F7: variants seen among roughly 807,000 people sequenced by gnomAD.
The protein encoded by F7 is FVII coagulation protein.
F7 carries 38 observed loss-of-function variants against 47.5 expected under a neutral mutation model. That is an observed-to-expected ratio of 0.80 (90% CI 0.62 to 1.05). The LOEUF (loss-of-function observed/expected upper bound fraction) is 1.05. F7 is among the 50% of genes least tolerant of loss of function. The pLI is 0.00. For missense variants in F7, 575 were observed against 605.4 expected, an observed-to-expected ratio of 0.95 and a Z score of 0.53; for synonymous variants, 244 against 258.5, an observed-to-expected ratio of 0.94 and a Z score of 0.54.
At chr13:113,111,630 CACT>C (rs374589893) in intron 2 of F7, among the ~76,000 whole-genome samples, 187 of 120,314 alleles carry the variant, frequency 1.6e-3, no homozygotes, top group African/African-American at 6.3e-3. Flanking sequence ...GCACACTTCA[CACT>C]CACGGGTCAC....
chr13:113,113,724 C>G lies in F7; in HGVS notation c.226-28C>G, dbSNP rs1378787445. ...TGGGTGCTCTGGTGAAGGTGCATCT[C>G]ACGAGGCTTGCTCTCTTGTTCCTTC... On this transcript the variant is annotated intron_variant, in intron 2 of 7. Transcript: ENST00000346342. The surrounding 1 kb of genome is among the most constrained non-coding windows in gnomAD (Gnocchi z 4.1). 6.2e-7 allele frequency: 1 copy of G among 1,611,066 alleles called. No individual in the cohort carries two copies. Among genetic ancestry groups the G allele is most frequent in the East Asian group, 2.2e-5 (1 of 44,866 alleles).
intron 1 of F7, chr13:113,110,449 A>C: frequency 2.1e-6 from 1 of 473,186 alleles, no homozygotes; most frequent in South Asian, 3.0e-5. Context: ...CGTGCCCCCG[A>C]GCGCGCCCTC....
In F7 at chr13:113,119,229, T is replaced by C; in HGVS notation, c.*221T>C. On this transcript the variant is annotated 3_prime_UTR_variant, in exon 8 of 8. Transcript: ENST00000346342. ...AGAGAGACTCAAAGAGACTCCAAGA[T>C]TCAAAGAGACTAATAGAGACACAGA... The C allele has an allele frequency of 1.7e-6, 1 of 591,074 alleles. No homozygotes were observed. The highest frequency in any genetic ancestry group is 3.0e-6 in the Non-Finnish European group (1 of 333,018). The allele number at this position is 591,074 out of a possible 1,614,324, so 36.6% of individuals were successfully genotyped here.
At position 113,115,769 on chromosome 13, in the gene F7, G is replaced by C; in HGVS notation, c.474G>C (p.Leu158=). 1 of 1,613,302 alleles carries C rather than the reference G, an allele frequency of 6.2e-7. No homozygotes were observed. The highest frequency in any genetic ancestry group is 8.5e-7 in the Non-Finnish European group (1 of 1,180,046). The change falls in exon 5 of 8, where the codon CTG becomes CTC. Residue 158 remains leucine, a synonymous_variant. Transcript: ENST00000346342. The part of the protein sequence containing the change: ...RSCRCHEGYS[L]LADGVSCTPT... ...GTCGGTGCCACGAGGGGTACTCTCTGCTGGCAGACGGGGTGTCCTGCACAC... is the reference window on the plus strand; with the variant it reads ...GTCGGTGCCACGAGGGGTACTCTCTCCTGGCAGACGGGGTGTCCTGCACAC...
At chr13:113,106,250 G>C (rs2035950528) in intron 1 of F7, among the ~76,000 whole-genome samples, 1 of 133,628 alleles carries the variant, frequency 7.5e-6, no homozygotes, top group Admixed American at 7.6e-5. Flanking sequence ...GGTGCTCCCA[G>C]GCTGGGGAGC....
At chr13:113,111,276 C>T (rs1021381907) in intron 2 of F7, among the ~76,000 whole-genome samples, 2 of 152,130 alleles carry the variant, frequency 1.3e-5, no homozygotes, top group Non-Finnish European at 2.9e-5. Context: ...GGGCACGTGT[C>T]GGGGAGAAAC....
chr13:113,117,373 T>C, intron 6 of F7, 100 bp from the exon 7 acceptor site: 1 of 1,565,702 alleles, frequency 6.4e-7, no homozygotes, highest in Non-Finnish European at 8.7e-7. Context: ...CAGAAAGAAA[T>C]TGTGCAATGC....
In F7 at chr13:113,113,773, A is replaced by C. The variant is rs1437979154; in HGVS notation, c.247A>C (p.Ser83Arg). ...ERTKLFWISY[S>R]DGDQCASSPC... ...TCAGAAGCTGTTCTGGATTTCTTAC[A>C]GTGGTGAGTGGATGATCACCACCAG... Residue 83 changes from serine (S) to arginine (R), a missense_variant, in exon 3 of 8, where the codon AGT becomes CGT. Physicochemically the swap from Ser to Arg is moderately radical, Grantham distance 110 (BLOSUM62 -1). Coordinates refer to ENST00000346342, the MANE Select transcript of F7 (RefSeq NM_019616.4). The surrounding 1 kb of genome is among the most constrained non-coding windows in gnomAD (Gnocchi z 4.1). 1 of 1,614,118 alleles carries C rather than the reference A, an allele frequency of 6.2e-7. No individual in the cohort carries two copies. The highest frequency in any genetic ancestry group is 8.5e-7 in the Non-Finnish European group (1 of 1,180,012).
chr13:113,106,865 G>A lies in F7; in HGVS notation c.64+960G>A, dbSNP rs371824980. ...CCCAGGCGGGGTCGCTAAGGCCTCAGGAGGAGAAACACGGGACATGCCGTG... is the reference window on the plus strand; with the variant it reads ...CCCAGGCGGGGTCGCTAAGGCCTCAAGAGGAGAAACACGGGACATGCCGTG... On this transcript the variant is annotated intron_variant, in intron 1 of 7. Coordinates refer to ENST00000346342, the MANE Select transcript of F7 (RefSeq NM_019616.4). The A allele has an allele frequency of 7.0e-5, 113 of 1,605,900 alleles. No individual in the cohort carries two copies. Among genetic ancestry groups the A allele is most frequent in the Non-Finnish European group, 9.5e-5 (112 of 1,176,490 alleles).
chr13:113,119,116 G>T lies in F7; in HGVS notation c.*108G>T, dbSNP rs1470411471. 13 of 922,120 alleles carry T rather than the reference G, an allele frequency of 1.4e-5. 1 individual carries two copies. Among genetic ancestry groups the T allele is most frequent in the Admixed American group, 2.1e-5 (1 of 48,526 alleles). 57.1% of individuals were successfully genotyped at this position (922,120 alleles called of 1,614,324 possible). A position where few individuals can be genotyped will look rare whatever the true frequency, so the allele number is the denominator to read the frequency against. ...TAATGGGGTAGAGGAGGGCATGGGA[G>T]GGAGGGAGAGGTGGGGAGGGAGACA... On this transcript the variant is annotated 3_prime_UTR_variant, in exon 8 of 8. Coordinates refer to ENST00000346342, the MANE Select transcript of F7 (RefSeq NM_019616.4).
At chr13:113,117,399 A>T (rs910326567) in intron 6 of F7, 74 bp from the exon 7 acceptor site, 1 of 1,599,852 alleles carries the variant, frequency 6.3e-7, no homozygotes, top group African/African-American at 1.3e-5. Context: ...GTTCCTTGGC[A>T]TGCCCGGGAG....
In F7 at chr13:113,119,202, GGAGA is replaced by G. The variant is rs2036257465; in HGVS notation, c.*199_*202del. 3.3e-6 allele frequency: 2 copies of G among 611,312 alleles called. No individual in the cohort carries two copies. The highest frequency in any genetic ancestry group is 1.8e-5 in the African/African-American group (1 of 54,074). 37.9% of individuals were successfully genotyped at this position (611,312 alleles called of 1,614,324 possible). A position where few individuals can be genotyped will look rare whatever the true frequency, so the allele number is the denominator to read the frequency against. On this transcript the variant is annotated 3_prime_UTR_variant, in exon 8 of 8. Transcript: ENST00000346342. The stretch of plus-strand genomic sequence containing the variant: ...ACTGAGGGAGAGACTCTGAGGACAT[GGAGA>G]GAGACTCAAAGAGACTCCAAGATTC...
At position 113,118,714 on chromosome 13, in the gene F7, C is replaced by T; in HGVS notation, c.1041C>T (p.Asp347=). 1 of 1,613,080 alleles carries T rather than the reference C, an allele frequency of 6.2e-7. No individual in the cohort carries two copies. Among genetic ancestry groups the T allele is most frequent in the Non-Finnish European group, 8.5e-7 (1 of 1,179,974 alleles). The change falls in exon 8 of 8, where the codon GAC becomes GAT. Residue 347 remains aspartate (D), a synonymous_variant. Coordinates refer to ENST00000346342, the MANE Select transcript of F7 (RefSeq NM_019616.4). ...VLNVPRLMTQ[D]CLQQSRKVGD... is the part of the protein sequence containing the mutation. ...ACGTGCCCCGGCTGATGACCCAGGACTGCCTGCAGCAGTCACGGAAGGTGG... is the reference window on the plus strand; with the variant it reads ...ACGTGCCCCGGCTGATGACCCAGGATTGCCTGCAGCAGTCACGGAAGGTGG...
At chr13:113,116,105 G>T (rs1420081206) in intron 5 of F7, among the ~76,000 whole-genome samples, 1 of 152,242 alleles carries the variant, frequency 6.6e-6, no homozygotes, top group African/African-American at 2.4e-5. Context: ...CTCCGCCAGG[G>T]TTCATGAATC....
rs10482847 is a variant in F7 at position 113,117,611 on chromosome 13, C to T, written c.739+15C>T. The T allele has an allele frequency of 3.9e-5, 62 of 1,593,106 alleles. No homozygotes were observed. The highest frequency in any genetic ancestry group is 5.1e-5 in the Admixed American group (3 of 59,102). On this transcript the variant is annotated intron_variant, in intron 7 of 7. Transcript: ENST00000346342. ...CGCGGTGCTGGGTGGGTACCACTCT[C>T]CCCTGTCCGACCGCGGTGCTGGGTG...
chr13:113,115,965 C>T (rs994779696), intron 5 of F7, among the ~76,000 whole-genome samples, 165 bp downstream of exon 5: 3 of 152,328 alleles, frequency 2.0e-5, no homozygotes, highest in African/African-American at 7.2e-5. Context: ...TGGCACAGGC[C>T]AGAGCGACAG....
intron 2 of F7, 37 bp downstream of exon 2, chr13:113,110,887 C>T (rs1268562016): frequency 1.3e-6 from 2 of 1,544,656 alleles, no homozygotes; most frequent in Non-Finnish European, 1.7e-6. Context: ...GCCGCGGACA[C>T]TGCAGGCGGC....
chr13:113,107,058 G>C, intron 1 of F7: 2 of 885,854 alleles, frequency 2.3e-6, no homozygotes, highest in Non-Finnish European at 3.6e-6. Context: ...GGAAGTGACC[G>C]CTCCAGCTTG....
intron 4 of F7, among the ~76,000 whole-genome samples, chr13:113,115,324 T>C (rs142166473): frequency 1.3e-5 from 2 of 152,280 alleles, no homozygotes; most frequent in East Asian, 1.9e-4. Flanking sequence ...ACCATCCCCA[T>C]TGGACTTTCA....
Sources: gnomAD v4.1 joint callset for allele counts (sites outside exome capture counted in the v4.1 genomes callset) on GRCh38, gnomAD v4.1.1 for gene constraint, Gnocchi (gnomAD v3.1) non-coding constraint, MANE v1.5 for transcripts, NCBI Gene and HGNC (gene_info 2026-07-23, HGNC 2026-07-21) for gene names.